TMEM248: variants seen among roughly 807,000 people sequenced by gnomAD.
The protein encoded by TMEM248 is UPF0458 protein C7orf42.
TMEM248 carries 9 observed loss-of-function variants against 30.3 expected under a neutral mutation model. The ratio of observed to expected loss-of-function variants is 0.30; its 90% confidence interval spans 0.18 to 0.52. The LOEUF is 0.52. TMEM248 is among the 20% of genes least tolerant of loss of function. The pLI, the probability that TMEM248 is intolerant of heterozygous loss-of-function variation, is 0.97. For missense variants in TMEM248, 338 were observed against 403.3 expected (o/e 0.84, Z 1.39); for synonymous variants, 184 against 154.4 (o/e 1.19, Z -1.42).
intron 1 of TMEM248, among the ~76,000 whole-genome samples, 200 bp from the exon 2 acceptor site, chr7:66,941,648 A>C (rs1791961671): frequency 6.6e-6 from 1 of 152,012 alleles, no homozygotes; most frequent in African/African-American, 2.4e-5. Flanking sequence ...GGATCCTGCC[A>C]CTTTGAGGTA....
intron 3 of TMEM248, among the ~76,000 whole-genome samples, chr7:66,947,243 CAAAT>C (rs1053963424): frequency 1.5e-4 from 20 of 135,272 alleles, no homozygotes; most frequent in Non-Finnish European, 2.4e-4. Flanking sequence ...AAACAAGAAA[CAAAT>C]AAAAAGTCCT....
chr7:66,930,856 C>T (rs1419565936), intron 1 of TMEM248: 1 of 152,648 alleles, frequency 6.6e-6, no homozygotes, highest in Non-Finnish European at 1.5e-5. Context: ...ATGCTACTTT[C>T]TGCTACATGA....
chr7:66,945,038 C>A lies in TMEM248; in HGVS notation c.222C>A (p.Thr74=). The A allele has an allele frequency of 6.2e-7, 1 of 1,614,184 alleles. No homozygotes were observed. Residue 74 remains threonine (T), a synonymous_variant, in exon 3 of 7, where the codon ACC becomes ACA. Transcript: ENST00000341567. ...ACTTGTGTGTATCAGAGAATGAAAC[C>A]CTCAAGCATCTCACAAACGACACCA... ...DLDLCVSENE[T]LKHLTNDTTT...
intron 1 of TMEM248, among the ~76,000 whole-genome samples, chr7:66,940,248 C>T (rs1238402489): frequency 6.6e-6 from 1 of 152,158 alleles, no homozygotes; most frequent in African/African-American, 2.4e-5. Context: ...GCCACTGCGC[C>T]CAGCCATAGA....
intron 1 of TMEM248, among the ~76,000 whole-genome samples, chr7:66,926,220 G>A (rs1475245596): frequency 6.6e-6 from 1 of 152,136 alleles, no homozygotes; most frequent in Non-Finnish European, 1.5e-5. Flanking sequence ...TTAATCCCTA[G>A]GGATTTGGAG....
rs1791972943 is a variant in TMEM248, at chr7:66,941,926, G to T, written c.61G>T (p.Val21Leu). The part of the protein sequence containing the change: ...KVYISSRPPL[V>L]VFMISVSAMA... ...GTACATCAGCAGTCGGCCTCCCCTG[G>T]TGGTCTTCATGATCAGCGTAAGCGC... is the stretch of plus-strand genomic sequence containing the variant. The change falls in exon 2 of 7, where the codon GTG becomes TTG. Residue 21 changes from valine (V) to leucine (L), a missense_variant. Val to Leu is a conservative substitution (Grantham distance 32, BLOSUM62 1). Transcript: ENST00000341567. The T allele has an allele frequency of 6.2e-7, 1 of 1,613,990 alleles. No homozygotes were observed. The highest frequency in any genetic ancestry group is 8.5e-7 in the Non-Finnish European group (1 of 1,180,016).
rs1035901398 is a variant in TMEM248 at position 66,948,563 on chromosome 7, G to A, written c.465G>A (p.Glu155=). The change falls in exon 4 of 7, where the codon GAG becomes GAA. Residue 155 remains glutamate, a synonymous_variant. Transcript: ENST00000341567. Reference sequence around the variant, plus strand: ...TCATAGGCAGGGAAGCCCACGAGGAGATAAACATCACCTTCACCCTGCCTA... The same window carrying A: ...TCATAGGCAGGGAAGCCCACGAGGAAATAAACATCACCTTCACCCTGCCTA... ...IGLSGREAHE[E]INITFTLPTA... is the part of the protein sequence containing the mutation. 1 of 1,613,896 alleles carries A rather than the reference G, an allele frequency of 6.2e-7. No homozygotes were observed. The highest frequency in any genetic ancestry group is 8.5e-7 in the Non-Finnish European group (1 of 1,179,886).
At chr7:66,951,682 C>T in intron 5 of TMEM248, among the ~76,000 whole-genome samples, 1 of 151,394 alleles carries the variant, frequency 6.6e-6, no homozygotes, top group South Asian at 2.1e-4. Context: ...GACTTGAGCC[C>T]ACTTACTTTT....
At chr7:66,921,752 G>C (rs1391462997) in intron 1 of TMEM248, 1 of 152,262 alleles carries the variant, frequency 6.6e-6, no homozygotes, top group Non-Finnish European at 1.5e-5. Context: ...GGATAATTCG[G>C]ATTTGGCACG....
intron 1 of TMEM248, among the ~76,000 whole-genome samples, chr7:66,932,985 A>C (rs1791707221): frequency 6.6e-6 from 1 of 151,804 alleles, no homozygotes; most frequent in South Asian, 2.1e-4. Flanking sequence ...CAGCCTCCTG[A>C]GTAGGTGGGA....
chr7:66,943,263 C>T (rs1412693644), intron 2 of TMEM248, among the ~76,000 whole-genome samples: 1 of 152,216 alleles, frequency 6.6e-6, no homozygotes, highest in Non-Finnish European at 1.5e-5. Context: ...CCATTTCTTT[C>T]CCGCAGAGCT....
At chr7:66,943,915 C>T (rs987263035) in intron 2 of TMEM248, among the ~76,000 whole-genome samples, 2 of 152,054 alleles carry the variant, frequency 1.3e-5, no homozygotes, top group Middle Eastern at 3.4e-3. Context: ...GTGCCTCAGC[C>T]TTCCAAGTAG....
chr7:66,933,234 A>G (rs898017955), intron 1 of TMEM248, among the ~76,000 whole-genome samples: 1 of 152,060 alleles, frequency 6.6e-6, no homozygotes, highest in African/African-American at 2.4e-5. Flanking sequence ...GGCGTAATCA[A>G]TCATAGCTCA....
At chr7:66,950,622 C>A (rs4617036) in intron 4 of TMEM248, among the ~76,000 whole-genome samples, 23,846 of 152,078 alleles carry the variant, frequency 0.16, 2,236 homozygotes, top group East Asian at 0.29. Context: ...GAGTTTAGCT[C>A]ATTTGAGAAG....
Position 66,956,246 on chromosome 7 carries a change from A to G in TMEM248, c.*724A>G, listed in dbSNP as rs548113734. 2 of 152,292 alleles carry G rather than the reference A, an allele frequency of 1.3e-5. No homozygotes were observed. The highest frequency in any genetic ancestry group is 4.8e-5 in the African/African-American group (2 of 41,562). The allele number at this position is 152,292 out of a possible 1,614,324, so 9.4% of individuals were successfully genotyped here. A position where few individuals can be genotyped will look rare whatever the true frequency, so the allele number is the denominator to read the frequency against. Reference sequence around the variant, plus strand: ...TAAAGATCTAAGTTTCATTTTCCACATGGATGACCAGGAACCTGGTCTTGT... The same window carrying G: ...TAAAGATCTAAGTTTCATTTTCCACGTGGATGACCAGGAACCTGGTCTTGT... On this transcript the variant is annotated 3_prime_UTR_variant, in exon 7 of 7. Transcript: ENST00000341567.
chr7:66,947,810 TAG>T (rs1792151167), intron 3 of TMEM248, among the ~76,000 whole-genome samples: 1 of 152,162 alleles, frequency 6.6e-6, no homozygotes, highest in Non-Finnish European at 1.5e-5. Flanking sequence ...GTCGCCAGGC[TAG>T]AGTGCAGTGG....
intron 1 of TMEM248, among the ~76,000 whole-genome samples, chr7:66,929,013 CCTGGGCTCAAGTGATCGG>C (rs1292857544): frequency 3.9e-5 from 6 of 152,134 alleles, no homozygotes; most frequent in Admixed American, 1.3e-4. Flanking sequence ...GTCTCGAATT[CCTGGGCTCAAGTGATCGG>C]CTGGCCTCAG....
chr7:66,940,062 T>C (rs879584836), intron 1 of TMEM248, among the ~76,000 whole-genome samples: 19 of 152,110 alleles, frequency 1.2e-4, no homozygotes, highest in Admixed American at 1.2e-3. Context: ...CAAGTGATTC[T>C]CCTGCCTCAG....
rs186520167 is a variant in TMEM248 at position 66,946,170 on chromosome 7, G to C, written c.445+909G>C. On this transcript the variant is annotated intron_variant, in intron 3 of 6. Transcript: ENST00000341567. ...CCAGCTACTCAGGAGGCTGAGGCAG[G>C]AGAATTGTTTGAACCCAAGACGTGG... Among the ~76,000 whole-genome samples, 803 of 152,098 alleles carry C rather than the reference G, an allele frequency of 5.3e-3. 6 individuals carry two copies. The highest frequency in any genetic ancestry group is 7.3e-3 in the Non-Finnish European group (499 of 67,984).
Sources: gnomAD v4.1 joint callset for allele counts (sites outside exome capture counted in the v4.1 genomes callset) on GRCh38, gnomAD v4.1.1 for gene constraint, MANE v1.5 for transcripts, NCBI Gene and HGNC (gene_info 2026-07-23, HGNC 2026-07-21) for gene names.